The following DMD variants were observed in gnomAD, a reference collection of about 807,000 sequenced individuals.
DMD encodes dystrophin, also known as mutant dystrophin.
In DMD, 63 loss-of-function variants were observed where a neutral mutation model predicts 330.1. The ratio of observed to expected loss-of-function variants is 0.19; its 90% CI spans 0.16 to 0.24. The LOEUF (loss-of-function observed/expected upper bound fraction) is 0.24. Ranked by LOEUF, DMD falls within the 10% of genes least tolerant of loss-of-function variation. The pLI is 1.00. For synonymous variants in DMD, 1,223 were observed against 959.8 expected (o/e 1.27, Z -5.07); for missense variants, 3,344 against 2,684.1 (o/e 1.25, Z -5.43).
intron 1 of DMD, among the ~76,000 whole-genome samples, chrX:33,251,486 G>GGACT (rs2052770903): frequency 9.0e-6 from 1 of 111,183 alleles, no homozygotes. Flanking sequence ...TTTCTGCCAG[G>GGACT]GACTGCCTGG....
At chrX:33,136,130 C>T (rs2095525240) in intron 1 of DMD, among the ~76,000 whole-genome samples, 1 of 110,124 alleles carries the variant, frequency 9.1e-6, no homozygotes, top group Admixed American at 9.7e-5. Context: ...GCCTGAGCAA[C>T]GTAGTGAGAC....
At chrX:31,709,578 C>G (rs766283951) in intron 52 of DMD, among the ~76,000 whole-genome samples, 1,091 of 81,850 alleles carry the variant, frequency 0.013, 21 homozygotes, top group African/African-American at 0.043. Flanking sequence ...CTCTCTCTCT[C>G]TCTGTCTGTG....
In DMD at chrX:31,223,083, C is replaced by A. The variant is rs201718067; in HGVS notation, c.9325G>T (p.Ala3109Ser). 155 of 1,209,508 alleles carry A rather than the reference C, an allele frequency of 1.3e-4. No homozygotes were observed. The highest frequency in any genetic ancestry group is 1.7e-4 in the Non-Finnish European group (150 of 894,786). ...TTCTGCAGTCTTCGGAGTTTCATGG[C>A]AGTCCTATAAGCTGAGAATCTGACA... The part of the protein sequence containing the change: ...NNVRFSAYRT[A>S]MKLRRLQKAL... Residue 3109 changes from alanine (A) to serine (S), a missense_variant, in exon 64 of 79, where the codon GCC becomes TCC. Coordinates refer to ENST00000357033, the MANE Select transcript of DMD (RefSeq NM_004006.3).
chrX:32,732,858 C>T (rs1281105602), intron 7 of DMD, among the ~76,000 whole-genome samples: 12 of 110,161 alleles, frequency 1.1e-4, no homozygotes, highest in South Asian at 3.9e-4. Context: ...CATCAACTAA[C>T]GAGCAAAATC....
intron 1 of DMD, among the ~76,000 whole-genome samples, chrX:33,094,347 A>T (rs1400753804): frequency 8.9e-6 from 1 of 111,772 alleles, no homozygotes; most frequent in Non-Finnish European, 1.9e-5. Flanking sequence ...ACAAGGCAAT[A>T]GTTTCAGCAT....
chrX:31,248,107 CG>C (rs1048552518), intron 63 of DMD, among the ~76,000 whole-genome samples: 1 of 112,009 alleles, frequency 8.9e-6, no homozygotes, highest in Non-Finnish European at 1.9e-5. Flanking sequence ...CTCAGGTGAT[CG>C]TTAGCTTTTT....
intron 9 of DMD, among the ~76,000 whole-genome samples, chrX:32,649,567 A>ACAAAC (rs2060008891): frequency 9.5e-6 from 1 of 105,726 alleles, no homozygotes. Context: ...TTTAAAAAAA[A>ACAAAC]AAAAAAAAAA....
chrX:31,507,816 C>T (rs2071100947), intron 55 of DMD, among the ~76,000 whole-genome samples: 1 of 111,574 alleles, frequency 9.0e-6, no homozygotes, highest in South Asian at 3.7e-4. Context: ...ATAAAGTGTA[C>T]CCCAGTGCCA....
intron 44 of DMD, among the ~76,000 whole-genome samples, chrX:32,044,613 G>C (rs779599745): frequency 1.8e-5 from 2 of 109,423 alleles, no homozygotes; most frequent in South Asian, 7.9e-4. Context: ...TAGTAGAGAC[G>C]GGGTTTCACT....
intron 52 of DMD, among the ~76,000 whole-genome samples, chrX:31,697,109 T>C (rs1268929270): frequency 2.7e-5 from 3 of 112,148 alleles, no homozygotes; most frequent in Non-Finnish European, 5.6e-5. Flanking sequence ...TGACATCATA[T>C]AGACCTGGTA....
intron 60 of DMD, among the ~76,000 whole-genome samples, chrX:31,386,991 G>T (rs2060475719): frequency 8.9e-6 from 1 of 111,759 alleles, no homozygotes; most frequent in Admixed American, 9.5e-5. Context: ...TGGGCCAACA[G>T]GTTATGAAGC....
At chrX:32,547,596 C>G (rs1409395025) in intron 16 of DMD, among the ~76,000 whole-genome samples, 1 of 111,078 alleles carries the variant, frequency 9.0e-6, no homozygotes, top group East Asian at 2.8e-4. Flanking sequence ...ACTCTCAAAA[C>G]CTACTTCATA....
At chrX:31,189,576 T>C (rs138585728) in intron 67 of DMD, among the ~76,000 whole-genome samples, 2,460 of 111,328 alleles carry the variant, frequency 0.022, 81 homozygotes, top group South Asian at 0.16. Context: ...TGCCCAGTAA[T>C]TCTCAGATAA....
chrX:32,436,785 C>A (rs1392435232), intron 29 of DMD, among the ~76,000 whole-genome samples: 6 of 108,457 alleles, frequency 5.5e-5, no homozygotes, highest in Non-Finnish European at 9.6e-5. Flanking sequence ...AACAACATTT[C>A]CACACACACA....
intron 44 of DMD, among the ~76,000 whole-genome samples, chrX:32,205,017 A>T (rs1284184307): frequency 3.0e-3 from 210 of 69,150 alleles, no homozygotes; most frequent in Non-Finnish European, 5.3e-3. Context: ...ACATACACAC[A>T]CACACACACA....
chrX:32,079,795 T>C (rs1439185044), intron 44 of DMD, among the ~76,000 whole-genome samples: 1 of 112,033 alleles, frequency 8.9e-6, no homozygotes, highest in East Asian at 2.8e-4. Context: ...TGTGAGAGAA[T>C]GTAATATCCA....
intron 44 of DMD, among the ~76,000 whole-genome samples, chrX:32,090,082 T>A (rs755870809): frequency 9.8e-5 from 11 of 112,062 alleles, no homozygotes; most frequent in Non-Finnish European, 1.7e-4. Context: ...ATGTAGTTAA[T>A]AATTTTCTAC....
At chrX:31,177,791 ACTG>A in intron 71 of DMD, 138 bp downstream of exon 71, 2 of 573,958 alleles carry the variant, frequency 3.5e-6, no homozygotes, top group Non-Finnish European at 5.7e-6. Context: ...AAAAAAAAAA[ACTG>A]AAATGAAGGA....
Position 33,079,133 on chromosome X carries a change from C to A in DMD, c.32-58933G>T, listed in dbSNP as rs936256655. On this transcript the variant is annotated intron_variant, in intron 1 of 78. Transcript: ENST00000357033. Reference sequence around the variant, plus strand: ...GCAACCTCCGCCTCCTAGGTTCAAGCGATTCTCCTGCCTCGGTCTCCCGAG... The same window carrying A: ...GCAACCTCCGCCTCCTAGGTTCAAGAGATTCTCCTGCCTCGGTCTCCCGAG... 1.1e-4 allele frequency among the ~76,000 whole-genome samples: 12 copies of A among 111,504 alleles called. 1 individual carries two copies. The highest frequency in any genetic ancestry group is 8.3e-3 in the Middle Eastern group (2 of 240).
Sources: allele counts gnomAD v4.1 joint callset (sites outside exome capture counted in the v4.1 genomes callset), GRCh38; gene constraint gnomAD v4.1.1; transcripts MANE v1.5; gene names NCBI Gene and HGNC (gene_info 2026-07-23, HGNC 2026-07-21).